NBEA: variants seen among roughly 807,000 people sequenced by gnomAD.
The protein encoded by NBEA is lysosomal-trafficking regulator 2.
Under a neutral mutation model 343.4 loss-of-function variants are expected in NBEA, and 44 were observed. The ratio of observed to expected loss-of-function variants is 0.13; its 90% CI spans 0.10 to 0.16. NBEA has a LOEUF of 0.16. Ranked by LOEUF, NBEA falls within the 10% of genes least tolerant of loss-of-function variation. The pLI is 1.00. For synonymous variants in NBEA, 1,175 were observed against 1,238.7 expected (o/e 0.95, Z 1.08); for missense variants, 2,555 against 3,631.3 (o/e 0.70, Z 7.62).
chr13:35,186,330 G>C (rs150756806), intron 30 of NBEA: 1 of 151,988 alleles, frequency 6.6e-6, no homozygotes, highest in Non-Finnish European at 1.5e-5. Context: ...TAAGTATTCT[G>C]ATCTTTAGGA....
intron 49 of NBEA, among the ~76,000 whole-genome samples, chr13:35,640,700 A>C (rs1390765634): frequency 6.6e-6 from 1 of 152,226 alleles, no homozygotes; most frequent in Non-Finnish European, 1.5e-5. Flanking sequence ...TCCCTAATCG[A>C]AACTTTTCCT....
In NBEA at chr13:35,050,299, T is replaced by G. The variant is rs2063021100; in HGVS notation, c.876T>G (p.Ser292=). 1 of 1,609,092 alleles carries G rather than the reference T, an allele frequency of 6.2e-7. No homozygotes were observed. The highest frequency in any genetic ancestry group is 2.2e-5 in the East Asian group (1 of 44,688). The change falls in exon 6 of 59, where the codon TCT becomes TCG. Residue 292 remains serine, a synonymous_variant. Transcript: ENST00000379939. ...GTACTAGCAAAGGAGTTGGTTACTC[T>G]GCTCATTTTGTTGGCAACTGTTTAA... ...CFRTSKGVGY[S]AHFVGNCLIV... is the part of the protein sequence containing the mutation.
At chr13:34,992,238 G>GTATATATATA (rs60959090) in intron 1 of NBEA, among the ~76,000 whole-genome samples, 18 of 122,128 alleles carry the variant, frequency 1.5e-4, no homozygotes, top group African/African-American at 3.0e-4. Context: ...GTGTGTGTGT[G>GTATATATATA]TATATATATA....
At chr13:35,664,970 G>A (rs921516120) in intron 55 of NBEA, 115 bp from the exon 56 acceptor site, 2 of 725,796 alleles carry the variant, frequency 2.8e-6, no homozygotes, top group Admixed American at 2.2e-5. Context: ...TGGTCACACA[G>A]CTTAATAATA....
At chr13:35,016,919 T>TTTA (rs1172698045) in intron 1 of NBEA, among the ~76,000 whole-genome samples, 2 of 152,102 alleles carry the variant, frequency 1.3e-5, no homozygotes, top group Non-Finnish European at 2.9e-5. Context: ...TCTGAGTGAT[T>TTTA]GGATCCTTTA....
chr13:35,308,538 ATG>A (rs1479367024), intron 35 of NBEA, among the ~76,000 whole-genome samples: 1 of 123,912 alleles, frequency 8.1e-6, no homozygotes, highest in East Asian at 2.1e-4. Flanking sequence ...ATATGTATAT[ATG>A]TATATATATG....
At chr13:35,589,957 T>C (rs532893145) in intron 46 of NBEA, among the ~76,000 whole-genome samples, 46 of 152,200 alleles carry the variant, frequency 3.0e-4, no homozygotes, top group African/African-American at 9.4e-4. Context: ...AGTTCCAGAA[T>C]TGTAATTCCT....
rs75851371 is a variant in NBEA at position 35,037,270 on chromosome 13, A to G, written c.295-3663A>G. On this transcript the variant is annotated intron_variant, in intron 1 of 58. Coordinates refer to ENST00000379939, the MANE Select transcript of NBEA (RefSeq NM_001385012.1). ...AAAATTATTTAAATATCTTTGTTCA[A>G]TTTATCTGATAGAATTCTGAATGCC... is the stretch of plus-strand genomic sequence containing the variant. Among the ~76,000 whole-genome samples the G allele has an allele frequency of 9.7e-3, 1,483 of 152,162 alleles. 19 individuals carry two copies. Among genetic ancestry groups the G allele is most frequent in the African/African-American group, 0.034 (1,429 of 41,520 alleles).
chr13:35,468,653 CTTA>C (rs1249582055), intron 40 of NBEA, among the ~76,000 whole-genome samples: 2 of 151,942 alleles, frequency 1.3e-5, no homozygotes, highest in African/African-American at 4.8e-5. Flanking sequence ...CCCCATGGTA[CTTA>C]TTGTTGTCAG....
chr13:35,415,360 GT>G (rs2043840236), intron 38 of NBEA, among the ~76,000 whole-genome samples: 1 of 152,106 alleles, frequency 6.6e-6, no homozygotes, highest in South Asian at 2.1e-4. Context: ...GGTTTTTATG[GT>G]TTTAGGTCTA....
intron 38 of NBEA, among the ~76,000 whole-genome samples, chr13:35,411,966 G>C (rs1346497812): frequency 2.0e-5 from 3 of 151,718 alleles, no homozygotes; most frequent in African/African-American, 4.8e-5. Flanking sequence ...CTTGTTCTTA[G>C]TTCAGTTGTA....
chr13:35,563,131 G>GGAGATAGATAGATA (rs1555303289), intron 44 of NBEA, among the ~76,000 whole-genome samples: 17 of 108,242 alleles, frequency 1.6e-4, no homozygotes, highest in South Asian at 3.1e-4. Flanking sequence ...GTGTGTGTGT[G>GGAGATAGATAGATA]GAGATAGATA....
In NBEA at chr13:35,459,381, C is replaced by G. The variant is rs116528091; in HGVS notation, c.6448+7146C>G. 2.1e-3 allele frequency among the ~76,000 whole-genome samples: 327 copies of G among 152,224 alleles called. 1 individual carries two copies. Among genetic ancestry groups the G allele is most frequent in the African/African-American group, 7.5e-3 (312 of 41,538 alleles). ...GAATTTTTCTTAAGGCTGACCATTT[C>G]TGCCTTCCTAAATGTCTTTTTGAAT... On this transcript the variant is annotated intron_variant, in intron 40 of 58. Coordinates refer to ENST00000379939, the MANE Select transcript of NBEA (RefSeq NM_001385012.1).
chr13:35,138,459 C>CA (rs1555315869), intron 17 of NBEA, among the ~76,000 whole-genome samples: 44 of 136,460 alleles, frequency 3.2e-4, no homozygotes, highest in African/African-American at 1.1e-3. Flanking sequence ...AATTATGCTA[C>CA]TTTTTTTTTT....
At chr13:35,246,139 A>G (rs967767438) in intron 34 of NBEA, among the ~76,000 whole-genome samples, 5 of 151,928 alleles carry the variant, frequency 3.3e-5, no homozygotes, top group Admixed American at 6.6e-5. Flanking sequence ...TGAAGTTGTG[A>G]TTGTTTTTTA....
At chr13:35,375,594 A>C (rs1054437357) in intron 38 of NBEA, among the ~76,000 whole-genome samples, 1 of 152,120 alleles carries the variant, frequency 6.6e-6, no homozygotes, top group Non-Finnish European at 1.5e-5. Context: ...AAGACTTGCA[A>C]CTATTTTTTA....
chr13:35,080,873 T>G (rs748044761), intron 10 of NBEA, among the ~76,000 whole-genome samples: 1 of 152,134 alleles, frequency 6.6e-6, no homozygotes, highest in African/African-American at 2.4e-5. Flanking sequence ...ATACAGGAGT[T>G]GGTACCTTTG....
chr13:35,240,146 A>G lies in NBEA; in HGVS notation c.5776+7527A>G, dbSNP rs530738981. ...ATCTATGTATTCGTAATGATAATTT[A>G]GAAAATGATTTTGTCAAATTTAGAG... On this transcript the variant is annotated intron_variant, in intron 34 of 58. Coordinates refer to ENST00000379939, the MANE Select transcript of NBEA (RefSeq NM_001385012.1). Among the ~76,000 whole-genome samples the G allele has an allele frequency of 6.6e-5, 10 of 151,984 alleles. No homozygotes were observed. In the South Asian group the frequency reaches 2.1e-3, roughly 32 times the overall value.
chr13:35,333,447 C>T (rs573437878), intron 36 of NBEA, among the ~76,000 whole-genome samples: 15 of 151,890 alleles, frequency 9.9e-5, no homozygotes, highest in African/African-American at 1.9e-4. Flanking sequence ...TTGTGGGGTA[C>T]GAGATGTTTT....
Sources: allele counts gnomAD v4.1 joint callset (sites outside exome capture counted in the v4.1 genomes callset), GRCh38; gene constraint gnomAD v4.1.1; transcripts MANE v1.5; gene names NCBI Gene and HGNC (gene_info 2026-07-23, HGNC 2026-07-21).